The following TCF4 variants were observed in gnomAD, a reference collection of about 807,000 sequenced individuals.
TCF4 encodes the protein transcription factor 4, also known as SL3-3 enhancer factor 2.
TCF4 carries 3 observed loss-of-function variants against 82.1 expected under a neutral mutation model. The ratio of observed to expected loss-of-function variants is 0.04; its 90% CI spans 0.02 to 0.09. The LOEUF (loss-of-function observed/expected upper bound fraction) is 0.09, where lower values mean the gene tolerates loss of function less well. Among genes scored for constraint, TCF4 ranks in the 10% least tolerant of loss-of-function variants. The probability of loss-of-function intolerance (pLI) is 1.00; values close to 1 mark genes in which losing one functional copy is unlikely to be tolerated. For synonymous variants in TCF4, 276 were observed against 309.6 expected, an observed-to-expected ratio of 0.89 and a Z score of 1.14; for missense variants, 518 against 852.7, an observed-to-expected ratio of 0.61 and a Z score of 4.89.
chr18:55,261,162 T>C (rs2058004460), intron 12 of TCF4: 2 of 331,746 alleles, frequency 6.0e-6, no homozygotes, highest in African/African-American at 2.2e-5. Context: ...TGTGCACCCA[T>C]ATTACTTTAG....
chr18:55,620,814 T>G (rs74965868), intron 2 of TCF4, among the ~76,000 whole-genome samples: 45 of 151,422 alleles, frequency 3.0e-4, no homozygotes, highest in African/African-American at 1.0e-3. Flanking sequence ...TTTTTTTTTT[T>G]GGTTCTTGCA....
chr18:55,325,776 G>A lies in TCF4; in HGVS notation c.549+24583C>T, dbSNP rs546345348. On this transcript the variant is annotated intron_variant, in intron 8 of 19. Transcript: ENST00000354452. ...CTACAATGCTGACCTCTTTTGCCTAGCATGGCTGAATTAGCTAAACATCAT... is the reference window on the plus strand; with the variant it reads ...CTACAATGCTGACCTCTTTTGCCTAACATGGCTGAATTAGCTAAACATCAT... 1.8e-4 allele frequency among the ~76,000 whole-genome samples: 28 copies of A among 152,138 alleles called. No individual in the cohort carries two copies. In the South Asian group the frequency reaches 5.2e-3, roughly 28 times the overall value.
intron 5 of TCF4, among the ~76,000 whole-genome samples, chr18:55,417,668 C>T (rs1335461120): frequency 6.6e-6 from 1 of 152,070 alleles, no homozygotes; most frequent in Non-Finnish European, 1.5e-5. Context: ...CCCTAAGACA[C>T]TCTGATGATT....
chr18:55,421,384 T>C (rs1386138018), intron 5 of TCF4, among the ~76,000 whole-genome samples: 1 of 152,236 alleles, frequency 6.6e-6, no homozygotes, highest in African/African-American at 2.4e-5. Flanking sequence ...GTGAAATAAC[T>C]GATGATTCTT....
At chr18:55,350,808 A>G (rs972046903) in intron 7 of TCF4, 66 bp downstream of exon 7, 2 of 1,606,322 alleles carry the variant, frequency 1.2e-6, no homozygotes, top group African/African-American at 2.7e-5. Context: ...GATATTTTAA[A>G]GAAAGAAAGA....
At chr18:55,271,891 G>T (rs1264343832) in intron 10 of TCF4, among the ~76,000 whole-genome samples, 1 of 152,040 alleles carries the variant, frequency 6.6e-6, no homozygotes, top group Non-Finnish European at 1.5e-5. Flanking sequence ...CAAAAAAAGA[G>T]ATGACTAACT....
intron 18 of TCF4, 69 bp from the exon 19 acceptor site, chr18:55,228,430 C>G (rs2046947854): frequency 6.3e-7 from 1 of 1,591,132 alleles, no homozygotes; most frequent in African/African-American, 1.3e-5. Context: ...GCAATGCACT[C>G]TTCTTGCGTG....
chr18:55,479,401 T>C (rs986729810), intron 3 of TCF4: 1 of 154,170 alleles, frequency 6.5e-6, no homozygotes, highest in Non-Finnish European at 1.5e-5. Flanking sequence ...TGCAGGCCTC[T>C]GGTGTAACCC....
chr18:55,483,900 A>G (rs1568188265), intron 3 of TCF4, among the ~76,000 whole-genome samples: 1 of 152,242 alleles, frequency 6.6e-6, no homozygotes, highest in Non-Finnish European at 1.5e-5. Context: ...AACCAGAACC[A>G]CCACACTAAC....
chr18:55,426,099 T>TTATATATATATATA (rs35262105), intron 5 of TCF4, among the ~76,000 whole-genome samples: 54 of 139,122 alleles, frequency 3.9e-4, no homozygotes, highest in African/African-American at 1.4e-3. Flanking sequence ...ACAAAAAATT[T>TTATATATATATATA]TATATATATA....
At chr18:55,577,051 G>C (rs552307546) in intron 3 of TCF4, among the ~76,000 whole-genome samples, 5 of 147,384 alleles carry the variant, frequency 3.4e-5, no homozygotes, top group African/African-American at 4.9e-5. Context: ...ATGGAGATAT[G>C]AGAATAGCAG....
intron 5 of TCF4, among the ~76,000 whole-genome samples, chr18:55,448,627 G>A (rs1398268778): frequency 6.6e-6 from 1 of 152,218 alleles, no homozygotes; most frequent in Non-Finnish European, 1.5e-5. Context: ...TCTATCTGTG[G>A]ACAATATCAG....
chr18:55,381,130 AAT>A (rs1200856488), intron 6 of TCF4, among the ~76,000 whole-genome samples: 3 of 152,234 alleles, frequency 2.0e-5, no homozygotes, highest in African/African-American at 7.2e-5. Context: ...CAAAGTAAAG[AAT>A]AGCACGAAAT....
chr18:55,613,943 C>T (rs1289295892), intron 2 of TCF4, among the ~76,000 whole-genome samples: 1 of 152,162 alleles, frequency 6.6e-6, no homozygotes, highest in Non-Finnish European at 1.5e-5. Context: ...TATTTATTTA[C>T]TTATTCAGGC....
chr18:55,298,368 A>G (rs1366194987), intron 8 of TCF4, among the ~76,000 whole-genome samples: 2 of 152,218 alleles, frequency 1.3e-5, no homozygotes, highest in African/African-American at 2.4e-5. Context: ...AGAAGATTCA[A>G]AACAGTCTTC....
intron 3 of TCF4, among the ~76,000 whole-genome samples, chr18:55,536,734 CATT>C (rs2097118978): frequency 6.6e-6 from 1 of 152,110 alleles, no homozygotes; most frequent in South Asian, 2.1e-4. Flanking sequence ...GAGGAGTAAA[CATT>C]ATGAGTTTCA....
chr18:55,520,187 T>A (rs767361874), intron 3 of TCF4, among the ~76,000 whole-genome samples: 19 of 152,144 alleles, frequency 1.2e-4, no homozygotes, highest in Non-Finnish European at 2.6e-4. Flanking sequence ...CATAAGAATG[T>A]CTCTAGGAAT....
chr18:55,292,159 T>C (rs901160088), intron 8 of TCF4, among the ~76,000 whole-genome samples: 6 of 152,186 alleles, frequency 3.9e-5, no homozygotes, highest in African/African-American at 7.2e-5. Context: ...TTGATCTAAT[T>C]TTTTCTTAAT....
intron 8 of TCF4, among the ~76,000 whole-genome samples, chr18:55,290,637 T>C (rs1006341346): frequency 1.3e-5 from 2 of 152,180 alleles, no homozygotes; most frequent in Admixed American, 6.5e-5. Context: ...GCTCTTCTTA[T>C]TTCTCCAGTC....
Sources: allele counts gnomAD v4.1 joint callset (sites outside exome capture counted in the v4.1 genomes callset), GRCh38; gene constraint gnomAD v4.1.1; transcripts MANE v1.5; gene names NCBI Gene and HGNC (gene_info 2026-07-23, HGNC 2026-07-21).